Variants in FMN2 observed in about 807,000 individuals in gnomAD.
FMN2 encodes the protein formin 2, also known as formin-2.
Under a neutral mutation model 142.3 loss-of-function variants are expected in FMN2, and 51 were observed. That is an observed-to-expected ratio of 0.36 (90% confidence interval 0.29 to 0.45). The LOEUF (loss-of-function observed/expected upper bound fraction) is 0.45. FMN2 is among the 20% of genes least tolerant of loss of function. The probability of loss-of-function intolerance (pLI) is 1.00; values close to 1 mark genes in which losing one functional copy is unlikely to be tolerated. For synonymous variants in FMN2, 882 were observed against 869.8 expected (o/e 1.01, Z -0.25); for missense variants, 1,936 against 2,122.8 (o/e 0.91, Z 1.73).
chr1:240,219,016 T>A (rs1667009134), intron 6 of FMN2, among the ~76,000 whole-genome samples: 1 of 152,022 alleles, frequency 6.6e-6, no homozygotes, highest in African/African-American at 2.4e-5. Context: ...AAGAATTTAT[T>A]TGGTTTAAAT....
At chr1:240,284,939 G>C (rs1669534319) in intron 7 of FMN2, among the ~76,000 whole-genome samples, 2 of 152,032 alleles carry the variant, frequency 1.3e-5, no homozygotes, top group Admixed American at 1.3e-4. Context: ...CTACTCTCAG[G>C]AACTGGTCAA....
intron 7 of FMN2, among the ~76,000 whole-genome samples, chr1:240,270,630 AATAT>A (rs1231583350): frequency 1.3e-5 from 2 of 150,884 alleles, no homozygotes; most frequent in Non-Finnish European, 3.0e-5. Flanking sequence ...TAAAATATAT[AATAT>A]ATATATACAC....
In FMN2 at chr1:240,207,655, T is replaced by TTCCCGGGGC. The variant is rs1295409273; in HGVS notation, c.2843_2844insTCCCGGGGC (p.Pro949_Ala951dup). On this transcript the variant is annotated inframe_insertion, in exon 5 of 18. Transcript: ENST00000319653. ...GCGGGAATACCTCCTCCGCCCCCTC[T>TTCCCGGGGC]ACCCGGAGCGGCAATACCCCCTCCG... is the stretch of plus-strand genomic sequence containing the variant. 1 of 1,461,112 alleles carries TTCCCGGGGC rather than the reference T, an allele frequency of 6.8e-7. No individual in the cohort carries two copies. Among genetic ancestry groups the TTCCCGGGGC allele is most frequent in the East Asian group, 2.6e-5 (1 of 38,536 alleles). 90.5% of individuals were successfully genotyped at this position (1,461,112 alleles called of 1,614,324 possible).
intron 2 of FMN2, chr1:240,145,281 C>T: frequency 2.8e-6 from 4 of 1,426,664 alleles, no homozygotes; most frequent in Non-Finnish European, 2.9e-6. Context: ...TCCCGCCGCT[C>T]CTTGCCGCTT....
chr1:240,348,425 G>A (rs989752775), intron 13 of FMN2, among the ~76,000 whole-genome samples: 1 of 151,620 alleles, frequency 6.6e-6, no homozygotes, highest in African/African-American at 2.4e-5. Flanking sequence ...GTTTCGCCAT[G>A]TTGACCAGGT....
At chr1:240,291,819 T>C (rs931680756) in intron 7 of FMN2, among the ~76,000 whole-genome samples, 1 of 152,204 alleles carries the variant, frequency 6.6e-6, no homozygotes, top group Admixed American at 6.5e-5. Context: ...TTGGGCTTCA[T>C]AGCAAGGCTC....
chr1:240,187,287 A>AAAAAG (rs1312545411), intron 3 of FMN2, among the ~76,000 whole-genome samples: 6 of 145,584 alleles, frequency 4.1e-5, no homozygotes, highest in African/African-American at 1.3e-4. Context: ...AAAAAAAAAA[A>AAAAAG]AAAAGAAAAG....
chr1:240,355,951 C>CAAAAAAAA lies in FMN2; in HGVS notation c.4858+71_4858+78dup, dbSNP rs58002724. 173 of 252,736 alleles carry CAAAAAAAA rather than the reference C, an allele frequency of 6.8e-4. 8 individuals are homozygous for CAAAAAAAA. Among genetic ancestry groups the CAAAAAAAA allele is most frequent in the African/African-American group, 1.3e-3 (33 of 25,932 alleles). The allele number at this position is 252,736 out of a possible 1,614,324, so 15.7% of individuals were successfully genotyped here. A position where few individuals can be genotyped will look rare whatever the true frequency, so the allele number is the denominator to read the frequency against. ...GTGTTATGTTTTTCTCCCCTTTCAG[C>CAAAAAAAA]AAAAAAAAAAAAAAAAAAAAAAAAA... On this transcript the variant is annotated intron_variant, in intron 14 of 17. Coordinates refer to ENST00000319653, the MANE Select transcript of FMN2 (RefSeq NM_020066.5).
At chr1:240,228,299 GTC>G (rs1258576770) in intron 6 of FMN2, among the ~76,000 whole-genome samples, 18 of 41,160 alleles carry the variant, frequency 4.4e-4, no homozygotes, top group Admixed American at 3.4e-3. Context: ...GTGAAACTCT[GTC>G]TCAAAAAAAA....
chr1:240,304,840 G>A (rs577285984), intron 8 of FMN2, among the ~76,000 whole-genome samples: 1 of 152,182 alleles, frequency 6.6e-6, no homozygotes, highest in African/African-American at 2.4e-5. Context: ...GGCCGGGAGT[G>A]GGGGATAGGT....
chr1:240,152,968 G>A (rs2103275435), intron 2 of FMN2, among the ~76,000 whole-genome samples: 1 of 152,306 alleles, frequency 6.6e-6, no homozygotes, highest in East Asian at 1.9e-4. Context: ...ACTTATTTGA[G>A]ACTTAGTGTT....
chr1:240,116,620 G>T (rs892014957), intron 1 of FMN2, among the ~76,000 whole-genome samples: 5 of 152,168 alleles, frequency 3.3e-5, no homozygotes, highest in African/African-American at 9.7e-5. Flanking sequence ...GCTGGGTGTG[G>T]TGGCTCACCC....
rs920230810 is a variant in FMN2 at position 240,093,389 on chromosome 1, G to C, written c.1280G>C (p.Ser427Thr). ...CYIKTTTRQLSSPNHSPSQSP... is the reference protein window; with the variant it reads ...CYIKTTTRQLTSPNHSPSQSP... ...ATCAAGACCACCACCCGGCAGCTCAGCTCGCCCAATCACTCCCCGTCTCAG... is the reference window on the plus strand; with the variant it reads ...ATCAAGACCACCACCCGGCAGCTCACCTCGCCCAATCACTCCCCGTCTCAG... The change falls in exon 1 of 18, where the codon AGC becomes ACC. Residue 427 changes from serine to threonine, a missense_variant. By Grantham distance (58) the Ser-to-Thr change is moderately conservative (BLOSUM62 1). Transcript: ENST00000319653. The C allele has an allele frequency of 6.2e-7, 1 of 1,613,362 alleles. No homozygotes were observed. Among genetic ancestry groups the C allele is most frequent in the South Asian group, 1.1e-5 (1 of 91,006 alleles).
intron 14 of FMN2, among the ~76,000 whole-genome samples, chr1:240,378,059 A>G (rs1268306085): frequency 1.3e-5 from 2 of 151,840 alleles, no homozygotes; most frequent in Non-Finnish European, 2.9e-5. Flanking sequence ...TTTTACCTCT[A>G]TTGCTAGTTT....
At chr1:240,270,679 C>T (rs1192859451) in intron 7 of FMN2, among the ~76,000 whole-genome samples, 1 of 151,988 alleles carries the variant, frequency 6.6e-6, no homozygotes, top group Non-Finnish European at 1.5e-5. Context: ...GTAATTCTGT[C>T]ATTTGTAACA....
At chr1:240,126,373 C>CA (rs1553328360) in intron 2 of FMN2, among the ~76,000 whole-genome samples, 3 of 151,436 alleles carry the variant, frequency 2.0e-5, no homozygotes, top group East Asian at 3.9e-4. Flanking sequence ...TACCCCCCCC[C>CA]ACTTTGTTCC....
At chr1:240,368,345 T>G (rs1672751681) in intron 14 of FMN2, among the ~76,000 whole-genome samples, 1 of 152,186 alleles carries the variant, frequency 6.6e-6, no homozygotes, top group Admixed American at 6.5e-5. Flanking sequence ...TATCAAGGCT[T>G]TCTATCTATG....
chr1:240,285,364 G>C, intron 7 of FMN2: 1 of 448,812 alleles, frequency 2.2e-6, no homozygotes, highest in South Asian at 1.6e-5. Context: ...TATAGAGTGT[G>C]CTGTCTGTTA....
In FMN2 at chr1:240,261,161, A is replaced by G. The variant is rs543534261; in HGVS notation, c.4153+3129A>G. On this transcript the variant is annotated intron_variant, in intron 7 of 17. Coordinates refer to ENST00000319653, the MANE Select transcript of FMN2 (RefSeq NM_020066.5). Reference sequence around the variant, plus strand: ...GCTGTTTTGGTGACTATGGCCTTATAGTATAGTTTGAAGTCAGATAATGTG... The same window carrying G: ...GCTGTTTTGGTGACTATGGCCTTATGGTATAGTTTGAAGTCAGATAATGTG... 3.3e-5 allele frequency among the ~76,000 whole-genome samples: 5 copies of G among 152,228 alleles called. No homozygotes were observed. In the East Asian group the frequency reaches 7.7e-4, roughly 24 times the overall value.
Sources: gnomAD v4.1 joint callset for allele counts (sites outside exome capture counted in the v4.1 genomes callset) on GRCh38, gnomAD v4.1.1 for gene constraint, MANE v1.5 for transcripts, NCBI Gene and HGNC (gene_info 2026-07-23, HGNC 2026-07-21) for gene names.